The following KCNIP1 variants were observed in gnomAD, a reference collection of about 807,000 sequenced individuals.
The protein encoded by KCNIP1 is A-type potassium channel modulatory protein KCNIP1.
A neutral mutation model predicts 33.0 loss-of-function variants in KCNIP1; 18 were observed. The observed-to-expected ratio is 0.55, with a 90% CI of 0.38 to 0.81. The LOEUF is 0.81. Ranked by LOEUF, KCNIP1 falls within the 30% of genes least tolerant of loss-of-function variation. KCNIP1 has a pLI of 0.00. For synonymous variants in KCNIP1, 93 were observed against 98.3 expected (o/e 0.95, Z 0.32); for missense variants, 238 against 271.6 (o/e 0.88, Z 0.87).
At chr5:170,478,839 C>A (rs1756913619) in intron 1 of KCNIP1, among the ~76,000 whole-genome samples, 1 of 151,992 alleles carries the variant, frequency 6.6e-6, no homozygotes, top group African/African-American at 2.4e-5. Context: ...TGAACACTTC[C>A]TATAAATGAA....
intron 1 of KCNIP1, among the ~76,000 whole-genome samples, chr5:170,539,359 A>G (rs538572023): frequency 6.6e-6 from 1 of 152,192 alleles, no homozygotes; most frequent in Admixed American, 6.5e-5. Context: ...TCAAGGCCGC[A>G]CCTGCTCTGA....
chr5:170,639,719 A>G (rs1177870040), intron 1 of KCNIP1, among the ~76,000 whole-genome samples: 1 of 152,108 alleles, frequency 6.6e-6, no homozygotes, highest in African/African-American at 2.4e-5. Context: ...CCCTGCCCCC[A>G]TCACTTTGTA....
At chr5:170,501,500 T>C (rs1757412409), upstream of KCNIP1, among the ~76,000 whole-genome samples, 1 of 152,248 alleles carries the variant, frequency 6.6e-6, no homozygotes, top group Admixed American at 6.5e-5. Flanking sequence ...TTATACCTAC[T>C]GTTCAGAGGC....
chr5:170,372,756 G>A (rs1763880528), intron 1 of KCNIP1, among the ~76,000 whole-genome samples: 1 of 152,218 alleles, frequency 6.6e-6, no homozygotes, highest in Admixed American at 6.5e-5. Context: ...CGGAATCAAA[G>A]GGGAGTTGAG....
chr5:170,606,463 G>A (rs17564734), intron 1 of KCNIP1, among the ~76,000 whole-genome samples: 24,824 of 152,030 alleles, frequency 0.16, 2,206 homozygotes, highest in Non-Finnish European at 0.2. Context: ...TTAATCACCA[G>A]GCAGAGATCT....
intron 1 of KCNIP1, among the ~76,000 whole-genome samples, chr5:170,407,601 T>A (rs1316401716): frequency 6.6e-6 from 1 of 152,228 alleles, no homozygotes; most frequent in East Asian, 1.9e-4. Flanking sequence ...GAATGCACTT[T>A]GGAAAGCATT....
chr5:170,491,643 G>A (rs1452179908), intron 1 of KCNIP1, among the ~76,000 whole-genome samples: 2 of 152,212 alleles, frequency 1.3e-5, no homozygotes, highest in African/African-American at 2.4e-5. Flanking sequence ...TAGTAAAGGG[G>A]AAGAAGGAAC....
intron 1 of KCNIP1, among the ~76,000 whole-genome samples, chr5:170,648,853 G>A (rs762624101): frequency 3.3e-5 from 5 of 152,088 alleles, no homozygotes; most frequent in East Asian, 3.9e-4. Flanking sequence ...GTGCATGTGC[G>A]GGAGTAGGGA....
intron 1 of KCNIP1, among the ~76,000 whole-genome samples, chr5:170,444,699 T>TTTA (rs1554093020): frequency 6.8e-6 from 1 of 146,260 alleles, no homozygotes; most frequent in African/African-American, 2.5e-5. Flanking sequence ...TTTCTTTTTT[T>TTTA]AAAAAAAAAA....
chr5:170,593,610 A>G (rs563496964), intron 1 of KCNIP1, among the ~76,000 whole-genome samples: 1 of 152,368 alleles, frequency 6.6e-6, no homozygotes, highest in Non-Finnish European at 1.5e-5. Context: ...CTGAATTAGA[A>G]GTATTCAAGG....
rs559365248 is a variant in KCNIP1, at chr5:170,651,592, G to A, written c.62-67166G>A. 1.9e-4 allele frequency among the ~76,000 whole-genome samples: 29 copies of A among 152,132 alleles called. No individual in the cohort carries two copies. The South Asian group carries it at 3.9e-3, about 21-fold the overall frequency. ...CCCTTGCCATCTATAATCTTCTACC[G>A]CCACCCCCCCAGCTGATTGTTTTCT... On this transcript the variant is annotated intron_variant, in intron 1 of 7. Coordinates refer to ENST00000328939, the MANE Select transcript of KCNIP1 (RefSeq NM_014592.4).
intron 1 of KCNIP1, among the ~76,000 whole-genome samples, chr5:170,405,918 T>C (rs1270872162): frequency 6.6e-6 from 1 of 152,168 alleles, no homozygotes; most frequent in Non-Finnish European, 1.5e-5. Context: ...CCTTGTGTGA[T>C]TGGCAACACC....
intron 1 of KCNIP1, among the ~76,000 whole-genome samples, chr5:170,589,726 T>C (rs1758139859): frequency 1.4e-5 from 1 of 70,738 alleles, no homozygotes; most frequent in Non-Finnish European, 2.7e-5. Context: ...TGGTGTGATG[T>C]GGTGTGGTGT....
Position 170,648,362 on chromosome 5 carries a change from A to C in KCNIP1, c.62-70396A>C, listed in dbSNP as rs180817449. 2.3e-3 allele frequency among the ~76,000 whole-genome samples: 354 copies of C among 152,342 alleles called. 2 individuals are homozygous for C. The highest frequency in any genetic ancestry group is 8.1e-3 in the African/African-American group (336 of 41,582). ...ACAGCAGCTTTATTCATAATTGACAAAACTTGTAGGCCACCAAGATGTCCT... is the reference window on the plus strand; with the variant it reads ...ACAGCAGCTTTATTCATAATTGACACAACTTGTAGGCCACCAAGATGTCCT... On this transcript the variant is annotated intron_variant, in intron 1 of 7. Transcript: ENST00000328939.
chr5:170,567,114 G>A (rs557455289), intron 1 of KCNIP1, among the ~76,000 whole-genome samples: 1 of 152,348 alleles, frequency 6.6e-6, no homozygotes, highest in South Asian at 2.1e-4. Flanking sequence ...TTAGGTCAGA[G>A]GCAGTGGTTC....
chr5:170,516,982 ATGG>A (rs1224511527), intron 1 of KCNIP1, among the ~76,000 whole-genome samples: 2 of 152,032 alleles, frequency 1.3e-5, no homozygotes, highest in Non-Finnish European at 2.9e-5. Flanking sequence ...TGGTGGTGTG[ATGG>A]TGGTGATGGG....
chr5:170,353,985 C>T (rs375071925), intron 1 of KCNIP1: 314 of 1,607,644 alleles, frequency 2.0e-4, no homozygotes, highest in Middle Eastern at 4.9e-4. Flanking sequence ...TGGCCTTGAC[C>T]CTTGCTTTCT....
intron 1 of KCNIP1, among the ~76,000 whole-genome samples, chr5:170,367,534 A>G (rs149138721): frequency 4.5e-4 from 69 of 152,234 alleles, no homozygotes; most frequent in African/African-American, 1.4e-3. Flanking sequence ...GGATTGATGG[A>G]GGATGGGAGG....
intron 5 of KCNIP1, among the ~76,000 whole-genome samples, chr5:170,732,317 G>GAGAACT (rs1037851513): frequency 6.6e-6 from 1 of 152,074 alleles, no homozygotes; most frequent in Non-Finnish European, 1.5e-5. Context: ...GAGTGGACTT[G>GAGAACT]AGAACTGATC....
Sources: gnomAD v4.1 joint callset for allele counts (sites outside exome capture counted in the v4.1 genomes callset) on GRCh38, gnomAD v4.1.1 for gene constraint, MANE v1.5 for transcripts, NCBI Gene and HGNC (gene_info 2026-07-23, HGNC 2026-07-21) for gene names.